The following ANAPC7 variants were observed in gnomAD, a reference collection of about 807,000 sequenced individuals.
The protein encoded by ANAPC7 is anaphase promoting complex subunit 7.
ANAPC7 carries 25 observed loss-of-function variants against 63.3 expected under a neutral mutation model. The ratio of observed to expected loss-of-function variants is 0.39; its 90% CI spans 0.29 to 0.55. The LOEUF (loss-of-function observed/expected upper bound fraction) is 0.55, where lower values mean the gene tolerates loss of function less well. ANAPC7 is among the 20% of genes least tolerant of loss of function. The probability of loss-of-function intolerance (pLI) is 0.57; values close to 1 mark genes in which losing one functional copy is unlikely to be tolerated. For synonymous variants in ANAPC7, 241 were observed against 251.7 expected (o/e 0.96, Z 0.40); for missense variants, 516 against 691.7 (o/e 0.75, Z 2.85).
intron 8 of ANAPC7, among the ~76,000 whole-genome samples, chr12:110,380,148 C>T (rs538848174): frequency 7.9e-5 from 12 of 152,286 alleles, no homozygotes; most frequent in East Asian, 7.7e-4. Flanking sequence ...CCCAGGAGTT[C>T]GGGACCAGCC....
At chr12:110,399,114 G>A (rs541244027) in intron 1 of ANAPC7, among the ~76,000 whole-genome samples, 5 of 149,026 alleles carry the variant, frequency 3.4e-5, no homozygotes, top group South Asian at 2.1e-4. Context: ...CCTGCCTCCC[G>A]GGTTCAAGCA....
rs1881884361 is a variant in ANAPC7, at chr12:110,381,945, A to G, written c.939T>C (p.Cys313=). The G allele has an allele frequency of 1.8e-6, 2 of 1,097,866 alleles. No individual in the cohort carries two copies. Among genetic ancestry groups the G allele is most frequent in the Admixed American group, 2.7e-5 (1 of 36,460 alleles). 68.0% of individuals were successfully genotyped at this position (1,097,866 alleles called of 1,614,324 possible). A position where few individuals can be genotyped will look rare whatever the true frequency, so the allele number is the denominator to read the frequency against. ...AGTAGCGTTTGCTATAGAAGCTGTG[A>G]CAGCTGGAGAAAAAAAAAAAAAAAA... is the stretch of plus-strand genomic sequence containing the variant. ...QHAEPWVVSG[C]HSFYSKRYSR... is the part of the protein sequence containing the mutation. Residue 313 remains cysteine, a synonymous_variant, in exon 8 of 11, where the codon TGT becomes TGC. Coordinates refer to ENST00000455511, the MANE Select transcript of ANAPC7 (RefSeq NM_016238.3).
chr12:110,386,529 G>A, intron 5 of ANAPC7, 60 bp from the exon 6 acceptor site: 1 of 1,388,292 alleles, frequency 7.2e-7, no homozygotes, highest in Non-Finnish European at 1.0e-6. Flanking sequence ...CTTAGTTGCT[G>A]AATCTGGATG....
intron 5 of ANAPC7, 46 bp from the exon 6 acceptor site, chr12:110,386,515 T>A (rs1439205559): frequency 6.7e-7 from 1 of 1,499,532 alleles, no homozygotes; most frequent in Non-Finnish European, 9.1e-7. Context: ...CTATTATAAA[T>A]CCTCTTAGTT....
intron 1 of ANAPC7, among the ~76,000 whole-genome samples, chr12:110,398,377 T>C (rs769607628): frequency 5.9e-5 from 9 of 151,622 alleles, no homozygotes; most frequent in Non-Finnish European, 8.8e-5. Context: ...GATCATGCCA[T>C]TTGTACACCA....
chr12:110,382,091 A>G, intron 7 of ANAPC7, 143 bp from the exon 8 acceptor site: 2 of 823,738 alleles, frequency 2.4e-6, no homozygotes, highest in Non-Finnish European at 3.5e-6. Flanking sequence ...TTAACCTAAG[A>G]TATTAGTAGA....
intron 3 of ANAPC7, among the ~76,000 whole-genome samples, 194 bp downstream of exon 3, chr12:110,394,907 T>C (rs1031820220): frequency 2.6e-5 from 4 of 152,026 alleles, no homozygotes; most frequent in African/African-American, 7.3e-5. Flanking sequence ...TAAGCATGTG[T>C]AGTATTCTCC....
intron 1 of ANAPC7, among the ~76,000 whole-genome samples, chr12:110,399,822 G>A (rs1008030081): frequency 7.3e-5 from 11 of 150,074 alleles, no homozygotes; most frequent in South Asian, 2.1e-4. Context: ...GGGGCCAGGC[G>A]CGGTGGCTCA....
At chr12:110,399,669 T>C (rs564138176) in intron 1 of ANAPC7, among the ~76,000 whole-genome samples, 3 of 151,644 alleles carry the variant, frequency 2.0e-5, no homozygotes, top group African/African-American at 7.3e-5. Context: ...CTTATGCCTA[T>C]AATCCTAGCT....
At chr12:110,391,338 AAAGGTG>A (rs1414136471) in intron 3 of ANAPC7, among the ~76,000 whole-genome samples, 2 of 152,228 alleles carry the variant, frequency 1.3e-5, no homozygotes, top group Admixed American at 1.3e-4. Flanking sequence ...TTTACTCTTA[AAAGGTG>A]AAGATTTACC....
At chr12:110,400,642 G>A (rs2062214824) in intron 1 of ANAPC7, among the ~76,000 whole-genome samples, 1 of 152,130 alleles carries the variant, frequency 6.6e-6, no homozygotes, top group African/African-American at 2.4e-5. Context: ...AAATCACTCA[G>A]AACCAAGTGA....
At chr12:110,397,022 T>C (rs761767633) in intron 1 of ANAPC7, among the ~76,000 whole-genome samples, 3 of 149,770 alleles carry the variant, frequency 2.0e-5, no homozygotes, top group Middle Eastern at 3.5e-3. Flanking sequence ...GCTAACGCGG[T>C]GAAACCCCAT....
chr12:110,377,680 T>G, intron 8 of ANAPC7, 63 bp from the exon 9 acceptor site: 1 of 1,603,078 alleles, frequency 6.2e-7, no homozygotes, highest in Non-Finnish European at 8.5e-7. Flanking sequence ...ATGCTTCCAC[T>G]CTGACAGCTC....
Position 110,396,327 on chromosome 12 carries a change from A to G in ANAPC7, c.227T>C (p.Leu76Pro), listed in dbSNP as rs1437381163. The G allele has an allele frequency of 6.2e-7, 1 of 1,613,906 alleles. No individual in the cohort carries two copies. Among genetic ancestry groups the G allele is most frequent in the Admixed American group, 1.7e-5 (1 of 59,958 alleles). The change falls in exon 2 of 11, where the codon CTA becomes CCA. Residue 76 changes from leucine to proline, a missense_variant. Physicochemically the swap from Leu to Pro is moderately conservative, Grantham distance 98. This residue lies in a region of ANAPC7 where 185 missense variants were observed against 200.3 expected (regional missense o/e 0.92). Coordinates refer to ENST00000455511, the MANE Select transcript of ANAPC7 (RefSeq NM_016238.3). ...YTMALQQKKA[L>P]SKTSKVRPST... ...AGGTCTCACTTTTGAAGTTTTACTT[A>G]GCGCTTTCTTCTGCTGTAAAGCCAT... is the stretch of plus-strand genomic sequence containing the variant.
At position 110,375,118 on chromosome 12, in the gene ANAPC7, G is replaced by A. The variant is rs117338451; in HGVS notation, c.1509-785C>T. Among the ~76,000 whole-genome samples, 1,378 of 152,238 alleles carry A rather than the reference G, an allele frequency of 9.1e-3. 14 individuals carry two copies. Among genetic ancestry groups the A allele is most frequent in the Non-Finnish European group, 9.5e-3 (646 of 68,030 alleles). On this transcript the variant is annotated intron_variant, in intron 10 of 10. Coordinates refer to ENST00000455511, the MANE Select transcript of ANAPC7 (RefSeq NM_016238.3). ...AGCAGCTAAAACCCATGTTGGCACC[G>A]TTTCTACCGATATAAATGCGGACCG...
chr12:110,382,476 ATATATATATATATATATATT>A (rs1237292940), intron 7 of ANAPC7, among the ~76,000 whole-genome samples: 1 of 129,458 alleles, frequency 7.7e-6, no homozygotes, highest in African/African-American at 2.9e-5. Context: ...ATATATATAT[ATATATATATATATATATATT>A]TATAGAGACA....
Position 110,382,857 on chromosome 12 carries a change from C to G in ANAPC7, c.921G>C (p.Pro307=). 6.2e-7 allele frequency: 1 copy of G among 1,613,108 alleles called. No homozygotes were observed. Among genetic ancestry groups the G allele is most frequent in the South Asian group, 1.1e-5 (1 of 91,002 alleles). The part of the protein sequence containing the change: ...LFNISDQHAE[P]WVVSGCHSFY... ...CATAATCATACCCAGAAACCACCCA[C>G]GGTTCTGCATGCTGATCAGAGATAT... The change falls in exon 7 of 11, where the codon CCG becomes CCC. Residue 307 remains proline (P), a synonymous_variant. Coordinates refer to ENST00000455511, the MANE Select transcript of ANAPC7 (RefSeq NM_016238.3).
chr12:110,377,290 C>CA, intron 9 of ANAPC7, 103 bp downstream of exon 9: 1 of 993,946 alleles, frequency 1.0e-6, no homozygotes, highest in Non-Finnish European at 1.5e-6. Flanking sequence ...AAAAGGCACA[C>CA]ACCTGTCTAG....
rs775495920 is a variant in ANAPC7, at chr12:110,386,466, T to G, written c.678A>C (p.Ser226=). The G allele has an allele frequency of 6.2e-7, 1 of 1,610,046 alleles. No individual in the cohort carries two copies. Among genetic ancestry groups the G allele is most frequent in the African/African-American group, 1.3e-5 (1 of 74,712 alleles). Residue 226 remains serine, a synonymous_variant, in exon 6 of 11, where the codon TCA becomes TCC. Coordinates refer to ENST00000455511, the MANE Select transcript of ANAPC7 (RefSeq NM_016238.3). ...DNSRAISTIC[S]LEKKSLLRDN... is the part of the protein sequence containing the mutation. ...CTCGCAATAAGGATTTTTTCTCTAG[T>G]GAACTTTAAGATATTTATTAAACAT...
Sources: allele counts gnomAD v4.1 joint callset (sites outside exome capture counted in the v4.1 genomes callset), GRCh38; gene constraint gnomAD v4.1.1; regional missense constraint gnomAD v4.1.1; transcripts MANE v1.5; gene names NCBI Gene and HGNC (gene_info 2026-07-23, HGNC 2026-07-21).